The following NKAIN2 variants were observed in gnomAD, a reference collection of about 807,000 sequenced individuals.
NKAIN2 encodes the protein sodium/potassium-transporting ATPase subunit beta-1-interacting protein 2.
A neutral mutation model predicts 32.6 loss-of-function variants in NKAIN2; 14 were observed. The observed-to-expected ratio is 0.43, with a 90% confidence interval of 0.28 to 0.67. The LOEUF is 0.67. Among genes scored for constraint, NKAIN2 ranks in the 30% least tolerant of loss-of-function variants. The pLI is 0.17. For missense variants in NKAIN2, 198 were observed against 258.3 expected (o/e 0.77, Z 1.60); for synonymous variants, 80 against 87.2 (o/e 0.92, Z 0.46).
intron 3 of NKAIN2, among the ~76,000 whole-genome samples, chr6:124,554,904 G>C (rs1191062160): frequency 4.6e-5 from 7 of 152,174 alleles, no homozygotes; most frequent in Non-Finnish European, 1.5e-5. Flanking sequence ...TGGCCTTTCT[G>C]TGCAACCTGC....
chr6:124,188,927 G>A (rs1789880706), intron 1 of NKAIN2, among the ~76,000 whole-genome samples: 1 of 152,094 alleles, frequency 6.6e-6, no homozygotes, highest in African/African-American at 2.4e-5. Flanking sequence ...TTGATTAGGG[G>A]AAACATAGCT....
chr6:124,464,539 T>G (rs1250157113), intron 3 of NKAIN2, among the ~76,000 whole-genome samples: 3 of 152,100 alleles, frequency 2.0e-5, no homozygotes, highest in Non-Finnish European at 4.4e-5. Flanking sequence ...ATTTCCAAAT[T>G]TGCTTAATGT....
intron 3 of NKAIN2, among the ~76,000 whole-genome samples, chr6:124,483,381 T>C (rs1292135991): frequency 3.9e-5 from 6 of 152,096 alleles, no homozygotes; most frequent in African/African-American, 1.4e-4. Flanking sequence ...AGTCACAAAA[T>C]AGGAATTTCA....
intron 1 of NKAIN2, among the ~76,000 whole-genome samples, chr6:124,227,640 TA>T (rs1792192830): frequency 6.6e-6 from 1 of 152,134 alleles, no homozygotes; most frequent in African/African-American, 2.4e-5. Context: ...CAAGTTTCAT[TA>T]ATAGCTGCTT....
chr6:124,321,419 G>A (rs1392066033), intron 2 of NKAIN2, among the ~76,000 whole-genome samples: 2 of 152,084 alleles, frequency 1.3e-5, no homozygotes, highest in Admixed American at 6.5e-5. Flanking sequence ...GTATACCAAT[G>A]TAACAAACCT....
chr6:124,288,308 AC>A (rs1795654256), intron 2 of NKAIN2, among the ~76,000 whole-genome samples: 1 of 152,226 alleles, frequency 6.6e-6, no homozygotes, highest in Non-Finnish European at 1.5e-5. Flanking sequence ...TCTTAGAGGC[AC>A]AGTTCAGAGA....
chr6:124,779,270 AG>A (rs1779134999), intron 4 of NKAIN2, among the ~76,000 whole-genome samples: 2 of 126,724 alleles, frequency 1.6e-5, no homozygotes, highest in Admixed American at 1.7e-4. Flanking sequence ...AGAGAGAGAG[AG>A]AGAGAGAGAG....
chr6:124,778,157 G>A (rs1779066409), intron 4 of NKAIN2, among the ~76,000 whole-genome samples: 1 of 152,060 alleles, frequency 6.6e-6, no homozygotes. Context: ...CTCTCCCCCT[G>A]AGCTCTGATG....
intron 2 of NKAIN2, among the ~76,000 whole-genome samples, chr6:124,294,505 C>T (rs567568971): frequency 2.4e-4 from 36 of 152,270 alleles, no homozygotes; most frequent in African/African-American, 7.7e-4. Flanking sequence ...TCATTGACCA[C>T]ACCAGCAAAA....
chr6:123,830,847 A>C (rs928455154), intron 1 of NKAIN2, among the ~76,000 whole-genome samples: 24 of 152,328 alleles, frequency 1.6e-4, no homozygotes, highest in African/African-American at 5.8e-4. Context: ...GTTTTGAATG[A>C]ATGAATCAAT....
chr6:123,857,166 A>T (rs1775585747), intron 1 of NKAIN2, among the ~76,000 whole-genome samples: 1 of 152,156 alleles, frequency 6.6e-6, no homozygotes. Context: ...ATACAGTGTC[A>T]GGGGTTTATG....
chr6:124,577,275 G>C (rs1214125702), intron 3 of NKAIN2, among the ~76,000 whole-genome samples: 1 of 152,094 alleles, frequency 6.6e-6, no homozygotes, highest in Non-Finnish European at 1.5e-5. Flanking sequence ...CTGGTTTTAT[G>C]CTCATATTAC....
In NKAIN2 at chr6:124,134,253, GAA is replaced by G. The variant is rs1445514500; in HGVS notation, c.55-148749_55-148748del. Among the ~76,000 whole-genome samples the G allele has an allele frequency of 2.6e-5, 4 of 152,222 alleles. No individual in the cohort carries two copies. The East Asian group carries it at 7.7e-4, about 29-fold the overall frequency. The stretch of plus-strand genomic sequence containing the variant: ...CACTTAGGGAAATACAAAATGCAGT[GAA>G]AAGATTCAACAGTAGACTAGAACAA... On this transcript the variant is annotated intron_variant, in intron 1 of 6. Coordinates refer to ENST00000368417, the MANE Select transcript of NKAIN2 (RefSeq NM_001040214.3).
chr6:124,264,816 A>G (rs1276062934), intron 1 of NKAIN2, among the ~76,000 whole-genome samples: 1 of 152,220 alleles, frequency 6.6e-6, no homozygotes, highest in Non-Finnish European at 1.5e-5. Flanking sequence ...GTGTTACCTA[A>G]TATTTAATAA....
At chr6:124,485,048 G>T (rs1777599260) in intron 3 of NKAIN2, among the ~76,000 whole-genome samples, 1 of 152,130 alleles carries the variant, frequency 6.6e-6, no homozygotes, top group Non-Finnish European at 1.5e-5. Context: ...GTCAGAACTG[G>T]ATTTCAGCTC....
At chr6:124,067,737 A>G (rs1035067927) in intron 1 of NKAIN2, among the ~76,000 whole-genome samples, 1 of 152,166 alleles carries the variant, frequency 6.6e-6, no homozygotes, top group Admixed American at 6.6e-5. Context: ...GCTACTGACT[A>G]GATATGTTTT....
At chr6:124,540,426 T>C (rs1263090221) in intron 3 of NKAIN2, among the ~76,000 whole-genome samples, 1 of 152,274 alleles carries the variant, frequency 6.6e-6, no homozygotes, top group Non-Finnish European at 1.5e-5. Context: ...TATCTTTCTC[T>C]CTGCTATCTA....
chr6:123,949,819 G>A (rs1490241193), intron 1 of NKAIN2, among the ~76,000 whole-genome samples: 3 of 151,892 alleles, frequency 2.0e-5, no homozygotes, highest in East Asian at 1.9e-4. Flanking sequence ...GCTCCAGCCA[G>A]AACTTTCAGT....
At chr6:124,753,205 G>A (rs1425055771) in intron 4 of NKAIN2, among the ~76,000 whole-genome samples, 1 of 152,126 alleles carries the variant, frequency 6.6e-6, no homozygotes, top group Non-Finnish European at 1.5e-5. Context: ...GCTTTAAAAT[G>A]TAAAAGTCTC....
Sources: gnomAD v4.1 joint callset for allele counts (sites outside exome capture counted in the v4.1 genomes callset) on GRCh38, gnomAD v4.1.1 for gene constraint, MANE v1.5 for transcripts, NCBI Gene and HGNC (gene_info 2026-07-23, HGNC 2026-07-21) for gene names.